EMID1: variants seen among roughly 807,000 people sequenced by gnomAD.
EMID1 encodes EMI domain containing 1, also known as EMI domain-containing protein 1.
In EMID1, 40 loss-of-function variants were observed where a neutral mutation model predicts 60.6. The observed-to-expected ratio is 0.66, with a 90% CI of 0.51 to 0.86. EMID1 has a LOEUF of 0.86. EMID1 is among the 40% of genes least tolerant of loss of function. The probability of loss-of-function intolerance (pLI) is 0.00; values close to 1 mark genes in which losing one functional copy is unlikely to be tolerated. For synonymous variants in EMID1, 242 were observed against 231.0 expected, an observed-to-expected ratio of 1.05 and a Z score of -0.43; for missense variants, 585 against 597.1, an observed-to-expected ratio of 0.98 and a Z score of 0.21.
At chr22:29,221,963 A>T (rs148292126) in intron 3 of EMID1, among the ~76,000 whole-genome samples, 13 of 152,252 alleles carry the variant, frequency 8.5e-5, no homozygotes, top group African/African-American at 3.1e-4. Flanking sequence ...TGCTGGTCAG[A>T]CCATGTTTTT....
intron 13 of EMID1, among the ~76,000 whole-genome samples, chr22:29,244,444 A>G (rs967085284): frequency 1.3e-5 from 2 of 152,056 alleles, no homozygotes; most frequent in South Asian, 4.2e-4. Context: ...AAAAAAATAC[A>G]AAAATACAAA....
chr22:29,258,876 G>C lies in EMID1; in HGVS notation c.1264G>C (p.Gly422Arg). 1 of 1,613,358 alleles carries C rather than the reference G, an allele frequency of 6.2e-7. No homozygotes were observed. Among genetic ancestry groups the C allele is most frequent in the South Asian group, 1.1e-5 (1 of 91,070 alleles). The change falls in exon 15 of 15, where the codon GGC becomes CGC. Residue 422 changes from glycine to arginine, a missense_variant. By Grantham distance (125) the Gly-to-Arg change is moderately radical. Coordinates refer to ENST00000334018, the MANE Select transcript of EMID1 (RefSeq NM_133455.4). ...CACAGGCACCCCCAGCCTCCTTCGG[G>C]GCAAGAGGGGCGGACATGCAACCAA... ...AGTGTPSLLR[G>R]KRGGHATNYR...
intron 3 of EMID1, among the ~76,000 whole-genome samples, chr22:29,219,402 T>C (rs960888303): frequency 2.0e-5 from 3 of 152,026 alleles, no homozygotes; most frequent in Admixed American, 2.0e-4. Context: ...ACATATTCCT[T>C]CCCTGTCCAT....
At chr22:29,228,047 T>C (rs1420961895) in intron 5 of EMID1, among the ~76,000 whole-genome samples, 1 of 151,018 alleles carries the variant, frequency 6.6e-6, no homozygotes, top group Non-Finnish European at 1.5e-5. Context: ...TCCCAGCTAC[T>C]CGGGAGGCTG....
chr22:29,232,204 C>T, intron 7 of EMID1, 52 bp from the exon 8 acceptor site: 2 of 1,609,908 alleles, frequency 1.2e-6, no homozygotes, highest in African/African-American at 1.3e-5. Flanking sequence ...CAAGGCCACC[C>T]TGGGCCTCCT....
chr22:29,224,329 G>C (rs974016342), intron 3 of EMID1, among the ~76,000 whole-genome samples: 2 of 152,362 alleles, frequency 1.3e-5, no homozygotes, highest in South Asian at 2.1e-4. Flanking sequence ...GGGGGGCTGA[G>C]GGGGGCAGTT....
At chr22:29,231,990 G>A in intron 7 of EMID1, 1 of 589,430 alleles carries the variant, frequency 1.7e-6, no homozygotes, top group East Asian at 2.9e-5. Flanking sequence ...CAGAGGAGAA[G>A]CAGCAATGCT....
At chr22:29,231,897 T>C (rs559966253) in intron 7 of EMID1, 12 of 562,774 alleles carry the variant, frequency 2.1e-5, no homozygotes, top group Middle Eastern at 4.6e-4. Context: ...CCTACACTTA[T>C]CAGGCTCTGA....
intron 2 of EMID1, chr22:29,215,292 G>A: frequency 1.0e-6 from 1 of 980,836 alleles, no homozygotes; most frequent in Non-Finnish European, 1.2e-6. Flanking sequence ...CTGGGCTCAG[G>A]CCAGCCCAGC....
In EMID1 at chr22:29,206,048, C is replaced by T. The variant is rs916401615; in HGVS notation, c.10C>T (p.Pro4Ser). 3.4e-5 allele frequency: 42 copies of T among 1,227,536 alleles called. No homozygotes were observed. In the African/African-American group the frequency reaches 6.2e-4, roughly 18 times the overall value. The allele number at this position is 1,227,536 out of a possible 1,614,324, so 76.0% of individuals were successfully genotyped here. The stretch of plus-strand genomic sequence containing the variant: ...GGGCGCCTGGTGCAGCATGGGCGGC[C>T]CGCGGGCTTGGGCGCTGCTCTGCCT... MGGPRAWALLCLGL... is the reference protein window; with the variant it reads MGGSRAWALLCLGL... Residue 4 changes from proline to serine, a missense_variant, in exon 1 of 15, where the codon CCG becomes TCG. Coordinates refer to ENST00000334018, the MANE Select transcript of EMID1 (RefSeq NM_133455.4).
chr22:29,206,265 G>C (rs1207175496), intron 1 of EMID1, 126 bp downstream of exon 1: 4 of 755,082 alleles, frequency 5.3e-6, no homozygotes, highest in Non-Finnish European at 7.1e-6. Context: ...GCAGGGACAC[G>C]GCCATCCCGC....
At chr22:29,249,556 A>C (rs1279800020) in intron 13 of EMID1, among the ~76,000 whole-genome samples, 4 of 151,376 alleles carry the variant, frequency 2.6e-5, no homozygotes, top group Non-Finnish European at 4.4e-5. Context: ...TACAGGCGTG[A>C]GCCACTGCGC....
At chr22:29,214,368 T>A (rs1488386578) in intron 1 of EMID1, among the ~76,000 whole-genome samples, 1 of 151,916 alleles carries the variant, frequency 6.6e-6, no homozygotes, top group African/African-American at 2.4e-5. Flanking sequence ...GGAGGCGCCA[T>A]GGGGAGAAGC....
chr22:29,249,121 A>G (rs1417806813), intron 13 of EMID1, among the ~76,000 whole-genome samples: 1 of 152,234 alleles, frequency 6.6e-6, no homozygotes, highest in Admixed American at 6.5e-5. Flanking sequence ...ATTCTCCCAC[A>G]TTACCACAAT....
chr22:29,210,067 A>T (rs2039821984), intron 1 of EMID1, among the ~76,000 whole-genome samples: 1 of 151,504 alleles, frequency 6.6e-6, no homozygotes, highest in African/African-American at 2.4e-5. Flanking sequence ...AAGGTGGGGG[A>T]TGGGGTAATT....
rs1029923578 is a variant in EMID1, at chr22:29,259,176, G to A, written c.*232G>A. The A allele has an allele frequency of 6.8e-5, 42 of 616,634 alleles. No homozygotes were observed. Among genetic ancestry groups the A allele is most frequent in the Non-Finnish European group, 9.6e-5 (36 of 375,240 alleles). The allele number at this position is 616,634 out of a possible 1,614,324, so 38.2% of individuals were successfully genotyped here. The stretch of plus-strand genomic sequence containing the variant: ...TCAGTTTCCCTCTGTGAAGTGGGGG[G>A]AGGCAGGCCTTCAAGGAGGGATAGA... On this transcript the variant is annotated 3_prime_UTR_variant, in exon 15 of 15. Transcript: ENST00000334018.
chr22:29,252,497 G>C (rs1354975943), intron 13 of EMID1, among the ~76,000 whole-genome samples: 1 of 152,140 alleles, frequency 6.6e-6, no homozygotes, highest in African/African-American at 2.4e-5. Flanking sequence ...TGCACTGTTG[G>C]AATTGAGAGA....
At chr22:29,214,656 C>T (rs531379913) in intron 1 of EMID1, among the ~76,000 whole-genome samples, 9 of 152,206 alleles carry the variant, frequency 5.9e-5, no homozygotes, top group East Asian at 3.9e-4. Context: ...GAAGATGGCC[C>T]GCTTCCATCT....
rs1314402736 is a variant in EMID1, at chr22:29,243,023, C to T, written c.1075-422C>T. On this transcript the variant is annotated intron_variant, in intron 12 of 14. Coordinates refer to ENST00000334018, the MANE Select transcript of EMID1 (RefSeq NM_133455.4). ...CAAGCGTCAGAAAGGAACATTTATGCAGATTTAGTTCCCCCACTTGTAGCT... is the reference window on the plus strand; with the variant it reads ...CAAGCGTCAGAAAGGAACATTTATGTAGATTTAGTTCCCCCACTTGTAGCT... Among the ~76,000 whole-genome samples the T allele has an allele frequency of 2.0e-5, 3 of 152,150 alleles. No homozygotes were observed. The East Asian group carries it at 5.8e-4, about 29-fold the overall frequency.
Sources: gnomAD v4.1 joint callset for allele counts (sites outside exome capture counted in the v4.1 genomes callset) on GRCh38, gnomAD v4.1.1 for gene constraint, MANE v1.5 for transcripts, NCBI Gene and HGNC (gene_info 2026-07-23, HGNC 2026-07-21) for gene names.